Variants in GALP observed in about 807,000 individuals in gnomAD.
GALP encodes galanin like peptide.
A neutral mutation model predicts 15.2 loss-of-function variants in GALP; 12 were observed. The observed-to-expected ratio is 0.79, with a 90% CI of 0.51 to 1.28. The LOEUF is 1.28. GALP is among the 50% of genes most tolerant of loss of function. GALP has a pLI of 0.00. For missense variants in GALP, 161 were observed against 145.6 expected (o/e 1.11, Z -0.55); for synonymous variants, 58 against 55.1 (o/e 1.05, Z -0.23).
rs951017398 is a variant in GALP at position 56,180,768 on chromosome 19, G to C, written c.136+134G>C. 7 of 730,356 alleles carry C rather than the reference G, an allele frequency of 9.6e-6. No individual in the cohort carries two copies. In the East Asian group the frequency reaches 1.6e-4, roughly 17 times the overall value. 45.2% of individuals were successfully genotyped at this position (730,356 alleles called of 1,614,324 possible). A position where few individuals can be genotyped will look rare whatever the true frequency, so the allele number is the denominator to read the frequency against. On this transcript the variant is annotated intron_variant, in intron 3 of 5. Coordinates refer to ENST00000357330, the MANE Select transcript of GALP (RefSeq NM_033106.4). Reference sequence around the variant, plus strand: ...ATGGATTTATTTGCAGATCTGTCTGGAGGGTTAGTCTAAGCAGAGCGATGG... The same window carrying C: ...ATGGATTTATTTGCAGATCTGTCTGCAGGGTTAGTCTAAGCAGAGCGATGG...
intron 5 of GALP, among the ~76,000 whole-genome samples, chr19:56,184,436 C>T (rs2032619530): frequency 6.6e-6 from 1 of 151,692 alleles, no homozygotes; most frequent in African/African-American, 2.4e-5. Context: ...GTTGGATGTT[C>T]GCCCCAACCC....
chr19:56,176,162 G>T (rs1297329626), intron 1 of GALP, 100 bp downstream of exon 1: 1 of 166,824 alleles, frequency 6.0e-6, no homozygotes, highest in Non-Finnish European at 1.3e-5. Flanking sequence ...GCTGCAGCGG[G>T]GTGAGAGCCT....
intron 5 of GALP, 92 bp downstream of exon 5, chr19:56,183,304 AG>A (rs2032598395): frequency 2.7e-6 from 3 of 1,107,464 alleles, no homozygotes; most frequent in Non-Finnish European, 4.1e-6. Flanking sequence ...GAAGAAAGGA[AG>A]GAAACTGGAA....
Position 56,185,307 on chromosome 19 carries a change from G to T in GALP, c.*37G>T, listed in dbSNP as rs1162766870. The T allele has an allele frequency of 1.5e-6, 2 of 1,297,134 alleles. No individual in the cohort carries two copies. The highest frequency in any genetic ancestry group is 1.5e-5 in the African/African-American group (1 of 67,688). The allele number at this position is 1,297,134 out of a possible 1,614,324, so 80.4% of individuals were successfully genotyped here. On this transcript the variant is annotated 3_prime_UTR_variant, in exon 6 of 6. Transcript: ENST00000357330. ...TCCCTGTTCCTATCCTTCTTCTCCAGCTCCTCCTGCTCCCTCTGAAACCTT... is the reference window on the plus strand; with the variant it reads ...TCCCTGTTCCTATCCTTCTTCTCCATCTCCTCCTGCTCCCTCTGAAACCTT...
chr19:56,176,855 C>T (rs1043302462), intron 1 of GALP, among the ~76,000 whole-genome samples: 3 of 151,640 alleles, frequency 2.0e-5, no homozygotes, highest in Non-Finnish European at 2.9e-5. Flanking sequence ...AAGGCATGGG[C>T]GCTGGGGGAC....
rs369504845 is a variant in GALP at position 56,180,534 on chromosome 19, G to A, written c.88-52G>A. 107 of 1,513,368 alleles carry A rather than the reference G, an allele frequency of 7.1e-5. 1 individual carries two copies. The Admixed American group carries it at 1.3e-3, about 18-fold the overall frequency. The allele number at this position is 1,513,368 out of a possible 1,614,324, so 93.7% of individuals were successfully genotyped here. On this transcript the variant is annotated intron_variant, in intron 2 of 5. Transcript: ENST00000357330. ...CCACATCACCCCGGACCTGTGGGACGCCTGCCCCGCTTTCTGTCTGCTTGA... is the reference window on the plus strand; with the variant it reads ...CCACATCACCCCGGACCTGTGGGACACCTGCCCCGCTTTCTGTCTGCTTGA...
intron 5 of GALP, among the ~76,000 whole-genome samples, chr19:56,183,613 T>G (rs189665232): frequency 2.0e-5 from 3 of 152,298 alleles, no homozygotes; most frequent in East Asian, 1.9e-4. Flanking sequence ...ATTTATTTTT[T>G]GGGGATGAAG....
chr19:56,179,430 C>T (rs1350125223), intron 2 of GALP, among the ~76,000 whole-genome samples: 2 of 151,016 alleles, frequency 1.3e-5, no homozygotes, highest in African/African-American at 4.9e-5. Context: ...GCCTCAGCCT[C>T]CCGAGTAGCT....
chr19:56,177,732 C>T (rs969322528), intron 2 of GALP, among the ~76,000 whole-genome samples: 14 of 152,192 alleles, frequency 9.2e-5, no homozygotes, highest in Middle Eastern at 3.4e-3. Flanking sequence ...GTTTGAAATC[C>T]GGGATCTGCG....
intron 2 of GALP, among the ~76,000 whole-genome samples, chr19:56,178,098 G>T (rs116626793): frequency 6.6e-6 from 1 of 151,656 alleles, no homozygotes; most frequent in East Asian, 1.9e-4. Context: ...GAGTCACTCC[G>T]CAGTGTAGCC....
intron 4 of GALP, 131 bp from the exon 5 acceptor site, chr19:56,183,004 T>A: frequency 9.1e-5 from 55 of 605,000 alleles, no homozygotes; most frequent in East Asian, 1.9e-4. Context: ...CTCCTCTCCC[T>A]CCTCCCCCTG....
intron 3 of GALP, among the ~76,000 whole-genome samples, chr19:56,181,767 G>GTGTGCCCATGGCCA (rs1017246625): frequency 6.6e-6 from 1 of 152,066 alleles, no homozygotes; most frequent in African/African-American, 2.4e-5. Flanking sequence ...TCTTCCCTGG[G>GTGTGCCCATGGCCA]CAATAGGTGT....
chr19:56,183,893 T>C (rs1013450797), intron 5 of GALP, among the ~76,000 whole-genome samples: 2 of 150,654 alleles, frequency 1.3e-5, no homozygotes, highest in Admixed American at 6.6e-5. Flanking sequence ...CCACTGCGCC[T>C]GGCCTCATGG....
Position 56,185,376 on chromosome 19 carries a change from C to G in GALP, c.*106C>G. ...GAGACTAAGATCCTGAAGTTAAATA[C>G]CCAGGTCTCATGAAGACATTGTAAA... is the stretch of plus-strand genomic sequence containing the variant. On this transcript the variant is annotated 3_prime_UTR_variant, in exon 6 of 6. Coordinates refer to ENST00000357330, the MANE Select transcript of GALP (RefSeq NM_033106.4). The G allele has an allele frequency of 1.6e-6, 1 of 638,648 alleles. No individual in the cohort carries two copies. Among genetic ancestry groups the G allele is most frequent in the Non-Finnish European group, 2.7e-6 (1 of 369,158 alleles). The allele number at this position is 638,648 out of a possible 1,614,324, so 39.6% of individuals were successfully genotyped here.
rs36004192 is a variant in GALP at position 56,182,193 on chromosome 19, G to A, written c.158G>A (p.Gly53Asp). 13 of 1,613,810 alleles carry A rather than the reference G, an allele frequency of 8.1e-6. No individual in the cohort carries two copies. The highest frequency in any genetic ancestry group is 1.1e-5 in the Non-Finnish European group (13 of 1,179,834). The change falls in exon 4 of 6, where the codon GGT (glycine) becomes GAT (aspartate). Residue 53 changes from glycine (G) to aspartate (D), a missense_variant. Transcript: ENST00000357330. ...CCAGTCCTCCACCTTCCCCAAATGG[G>A]TGACCAAGACGGAAAGAGGGAGACA... is the stretch of plus-strand genomic sequence containing the variant. ...LGPVLHLPQMGDQDGKRETAL... is the reference protein window; with the variant it reads ...LGPVLHLPQMDDQDGKRETAL...
At chr19:56,180,448 C>A in intron 2 of GALP, 138 bp from the exon 3 acceptor site, 1 of 666,622 alleles carries the variant, frequency 1.5e-6, no homozygotes. Flanking sequence ...ATTTCCTCAT[C>A]GGTGCAATGG....
Position 56,182,257 on chromosome 19 carries a change from G to A in GALP, c.217+5G>A. 2 of 1,609,164 alleles carry A rather than the reference G, an allele frequency of 1.2e-6. No individual in the cohort carries two copies. Among genetic ancestry groups the A allele is most frequent in the Non-Finnish European group, 1.7e-6 (2 of 1,175,490 alleles). On this transcript the variant is annotated splice_donor_5th_base_variant and intron_variant, in intron 4 of 5. Coordinates refer to ENST00000357330, the MANE Select transcript of GALP (RefSeq NM_033106.4). Reference sequence around the variant, plus strand: ...TAGACCTGTGGAAGGCCATCGGTGAGTGAGCGGGGAGTTAGACGTCTTCTC... The same window carrying A: ...TAGACCTGTGGAAGGCCATCGGTGAATGAGCGGGGAGTTAGACGTCTTCTC...
chr19:56,177,895 G>C (rs2032492966), intron 2 of GALP, among the ~76,000 whole-genome samples: 1 of 152,166 alleles, frequency 6.6e-6, no homozygotes, highest in Non-Finnish European at 1.5e-5. Context: ...ATAATTAAGA[G>C]ATGTTGGTCC....
At chr19:56,177,290 G>A in intron 2 of GALP, 95 bp downstream of exon 2, 1 of 1,009,322 alleles carries the variant, frequency 9.9e-7, no homozygotes, top group Admixed American at 2.1e-5. Context: ...TGTGTCAAGG[G>A]TCCTGGGGAA....
Sources: gnomAD v4.1 joint callset for allele counts (sites outside exome capture counted in the v4.1 genomes callset) on GRCh38, gnomAD v4.1.1 for gene constraint, MANE v1.5 for transcripts, NCBI Gene and HGNC (gene_info 2026-07-23, HGNC 2026-07-21) for gene names.